OTOGL: variants seen among roughly 807,000 people sequenced by gnomAD.
The protein encoded by OTOGL is otogelin-like protein.
Under a neutral mutation model 318.5 loss-of-function variants are expected in OTOGL, and 285 were observed. The ratio of observed to expected loss-of-function variants is 0.89; its 90% CI spans 0.81 to 0.99. The LOEUF (loss-of-function observed/expected upper bound fraction) is 0.99. OTOGL is among the 50% of genes least tolerant of loss of function. OTOGL has a pLI of 0.00. For missense variants in OTOGL, 2,899 were observed against 2,845.6 expected, an observed-to-expected ratio of 1.02 and a Z score of -0.43; for synonymous variants, 987 against 936.5, an observed-to-expected ratio of 1.05 and a Z score of -0.99.
intron 18 of OTOGL, among the ~76,000 whole-genome samples, chr12:80,260,067 T>C (rs73358936): frequency 0.028 from 4,230 of 152,214 alleles, 219 homozygotes; most frequent in African/African-American, 0.096. Flanking sequence ...GTTGTGTCCT[T>C]GGTCTTTGTA....
At chr12:80,180,780 C>A (rs1411418192) in intron 1 of OTOGL, among the ~76,000 whole-genome samples, 1 of 151,996 alleles carries the variant, frequency 6.6e-6, no homozygotes, top group Non-Finnish European at 1.5e-5. Flanking sequence ...GGGTAGTTTA[C>A]CAAATAATTT....
chr12:80,338,703 G>T (rs1001402564), intron 42 of OTOGL, among the ~76,000 whole-genome samples: 25 of 152,014 alleles, frequency 1.6e-4, no homozygotes, highest in African/African-American at 5.8e-4. Flanking sequence ...ATCAAGGAAA[G>T]AATCCAGATT....
At chr12:80,199,494 G>T (rs1876311742) in intron 1 of OTOGL, among the ~76,000 whole-genome samples, 1 of 152,090 alleles carries the variant, frequency 6.6e-6, no homozygotes, top group African/African-American at 2.4e-5. Context: ...GAAGAGAGAG[G>T]CCATCTTATT....
At chr12:80,123,831 G>A (rs1870638749) in intron 1 of OTOGL, among the ~76,000 whole-genome samples, 1 of 152,148 alleles carries the variant, frequency 6.6e-6, no homozygotes, top group Admixed American at 6.6e-5. Context: ...CTACATAAAT[G>A]TCTTCTTTTG....
intron 1 of OTOGL, among the ~76,000 whole-genome samples, chr12:80,153,033 T>C (rs1370472771): frequency 6.6e-6 from 1 of 152,334 alleles, no homozygotes; most frequent in Middle Eastern, 3.4e-3. Flanking sequence ...TACTTTATTT[T>C]TTAAATAGCA....
Position 80,377,105 on chromosome 12 carries a change from C to T in OTOGL, c.6782-18C>T. ...AACGTAGGCCTTTGATGAATAAATA[C>T]ATTTTATATTTTATCAGGCAAACGA... On this transcript the variant is annotated intron_variant, in intron 57 of 58. Transcript: ENST00000547103. 6.4e-7 allele frequency: 1 copy of T among 1,564,940 alleles called. No individual in the cohort carries two copies. Among genetic ancestry groups the T allele is most frequent in the South Asian group, 1.2e-5 (1 of 85,468 alleles).
chr12:80,125,672 C>CT (rs1231443087), intron 1 of OTOGL, among the ~76,000 whole-genome samples: 9 of 152,036 alleles, frequency 5.9e-5, no homozygotes, highest in Non-Finnish European at 1.0e-4. Context: ...TGGTCCTGGA[C>CT]TTTTTTTGGT....
At chr12:80,289,900 TGAAC>T (rs1426888963) in intron 26 of OTOGL, among the ~76,000 whole-genome samples, 1 of 151,786 alleles carries the variant, frequency 6.6e-6, no homozygotes. Context: ...TCCAGAGAAG[TGAAC>T]GGTTTTGTCT....
chr12:80,149,190 T>A (rs1479644742), intron 1 of OTOGL, among the ~76,000 whole-genome samples: 1 of 152,258 alleles, frequency 6.6e-6, no homozygotes, highest in Admixed American at 6.5e-5. Flanking sequence ...TGGTTTTATC[T>A]ACTTTTGGTC....
intron 26 of OTOGL, among the ~76,000 whole-genome samples, chr12:80,288,037 T>C (rs1213419566): frequency 1.3e-5 from 2 of 152,104 alleles, no homozygotes; most frequent in African/African-American, 2.4e-5. Flanking sequence ...GGCTGGTACT[T>C]GTTTTTCCTT....
chr12:80,270,848 C>A (rs1044789474), intron 23 of OTOGL, among the ~76,000 whole-genome samples: 1 of 152,072 alleles, frequency 6.6e-6, no homozygotes, highest in Non-Finnish European at 1.5e-5. Flanking sequence ...TGGGCAAATT[C>A]TAGGCACATA....
At chr12:80,183,251 T>C (rs1875054413) in intron 1 of OTOGL, among the ~76,000 whole-genome samples, 1 of 152,188 alleles carries the variant, frequency 6.6e-6, no homozygotes, top group Non-Finnish European at 1.5e-5. Context: ...GTATGTTCTC[T>C]CTCTCACTCC....
chr12:80,243,630 C>T (rs1235137810), intron 11 of OTOGL, among the ~76,000 whole-genome samples: 1 of 151,336 alleles, frequency 6.6e-6, no homozygotes, highest in African/African-American at 2.4e-5. Context: ...TGATATTGTT[C>T]TCAATGTATG....
At chr12:80,157,653 G>C (rs941663997) in intron 1 of OTOGL, among the ~76,000 whole-genome samples, 2 of 152,154 alleles carry the variant, frequency 1.3e-5, no homozygotes, top group Non-Finnish European at 2.9e-5. Flanking sequence ...TGGATATCCA[G>C]TTTTCCCAGC....
At chr12:80,129,753 A>T (rs1040309220) in intron 1 of OTOGL, among the ~76,000 whole-genome samples, 4 of 152,006 alleles carry the variant, frequency 2.6e-5, no homozygotes, top group African/African-American at 9.7e-5. Flanking sequence ...ATTCATAGTC[A>T]CCTGTGACCT....
At chr12:80,360,165 A>G (rs1890146201) in intron 52 of OTOGL, among the ~76,000 whole-genome samples, 1 of 152,176 alleles carries the variant, frequency 6.6e-6, no homozygotes, top group Admixed American at 6.5e-5. Context: ...AAATTAATAT[A>G]ATTTAAATGC....
At chr12:80,321,658 G>A (rs760308051) in intron 34 of OTOGL, among the ~76,000 whole-genome samples, 8 of 152,074 alleles carry the variant, frequency 5.3e-5, no homozygotes, top group Non-Finnish European at 1.2e-4. Context: ...AGTCTGGCAG[G>A]AGGTTTTGTG....
chr12:80,121,318 G>A (rs1344152645), intron 1 of OTOGL, among the ~76,000 whole-genome samples: 1 of 152,130 alleles, frequency 6.6e-6, no homozygotes, highest in Non-Finnish European at 1.5e-5. Context: ...TGTGTATGCA[G>A]CTTAAGACAA....
rs116961994 is a variant in OTOGL at position 80,236,547 on chromosome 12, G to T, written c.818-2304G>T. ...GTTGTTTAGTCACATTAAAATTCGT[G>T]TGTAAGTATTGAAATAAGTGGGTTT... On this transcript the variant is annotated intron_variant, in intron 9 of 58. Transcript: ENST00000547103. Among the ~76,000 whole-genome samples the T allele has an allele frequency of 3.9e-3, 597 of 152,210 alleles. 3 individuals carry two copies. The highest frequency in any genetic ancestry group is 7.0e-3 in the Non-Finnish European group (479 of 68,032).
Sources: gnomAD v4.1 joint callset for allele counts (sites outside exome capture counted in the v4.1 genomes callset) on GRCh38, gnomAD v4.1.1 for gene constraint, MANE v1.5 for transcripts, NCBI Gene and HGNC (gene_info 2026-07-23, HGNC 2026-07-21) for gene names.